The following CNTNAP3 variants were observed in gnomAD, a reference collection of about 807,000 sequenced individuals.
CNTNAP3 encodes the protein contactin-associated protein-like 3.
CNTNAP3 carries 36 observed loss-of-function variants against 92.1 expected under a neutral mutation model. The ratio of observed to expected loss-of-function variants is 0.39; its 90% CI spans 0.30 to 0.52. The LOEUF is 0.52. Ranked by LOEUF, CNTNAP3 falls within the 20% of genes least tolerant of loss-of-function variation. CNTNAP3 has a pLI of 0.76. For synonymous variants in CNTNAP3, 232 were observed against 422.3 expected (o/e 0.55, Z 5.53); for missense variants, 534 against 1,069.6 (o/e 0.50, Z 6.98).
intron 15 of CNTNAP3, among the ~76,000 whole-genome samples, chr9:39,106,084 A>C (rs1826598211): frequency 6.6e-6 from 1 of 152,126 alleles, no homozygotes. Context: ...CCAGTGTGGA[A>C]CCAAGCTTCT....
intron 11 of CNTNAP3, among the ~76,000 whole-genome samples, chr9:39,143,067 T>G (rs1414056625): frequency 6.6e-6 from 1 of 150,496 alleles, no homozygotes; most frequent in Non-Finnish European, 1.5e-5. Flanking sequence ...GAAAGAAAAC[T>G]TTAAAAGTTA....
chr9:39,102,423 C>T, intron 17 of CNTNAP3, 74 bp downstream of exon 17: 1 of 1,559,232 alleles, frequency 6.4e-7, no homozygotes, highest in Non-Finnish European at 8.7e-7. Context: ...GCTCTCAGTA[C>T]ATCACAGTTC....
intron 23 of CNTNAP3, among the ~76,000 whole-genome samples, chr9:39,074,934 A>G (rs549698107): frequency 1.3e-5 from 2 of 152,174 alleles, no homozygotes; most frequent in Non-Finnish European, 2.9e-5. Context: ...GCGCCCGGCT[A>G]ACTTTTTGCA....
At chr9:39,126,543 T>TA (rs1478055496) in intron 13 of CNTNAP3, among the ~76,000 whole-genome samples, 2 of 152,142 alleles carry the variant, frequency 1.3e-5, no homozygotes, top group African/African-American at 4.8e-5. Context: ...AAGCAATCCT[T>TA]AAAAAATATT....
chr9:39,137,715 C>T (rs180984809), intron 12 of CNTNAP3, among the ~76,000 whole-genome samples: 1 of 151,870 alleles, frequency 6.6e-6, no homozygotes, highest in Admixed American at 6.6e-5. Flanking sequence ...AGGGTTTCAC[C>T]GTGTTAGCCA....
chr9:39,099,196 C>T (rs547956650), intron 18 of CNTNAP3, among the ~76,000 whole-genome samples: 3 of 152,058 alleles, frequency 2.0e-5, no homozygotes, highest in South Asian at 2.1e-4. Flanking sequence ...CCTCGTGATC[C>T]GCCTGCCTTG....
intron 12 of CNTNAP3, among the ~76,000 whole-genome samples, chr9:39,135,135 A>G (rs1454134981): frequency 3.3e-5 from 5 of 152,204 alleles, no homozygotes; most frequent in Admixed American, 6.5e-5. Flanking sequence ...TCTCCTTATA[A>G]TATCAGTAGT....
chr9:39,113,592 C>T (rs533874166), intron 14 of CNTNAP3, among the ~76,000 whole-genome samples: 1 of 152,030 alleles, frequency 6.6e-6, no homozygotes, highest in East Asian at 1.9e-4. Flanking sequence ...CTTTTCCAAA[C>T]TTTTTATCAC....
chr9:39,111,394 C>G (rs1449111992), intron 14 of CNTNAP3, among the ~76,000 whole-genome samples: 1 of 151,944 alleles, frequency 6.6e-6, no homozygotes, highest in Non-Finnish European at 1.5e-5. Context: ...AAGATTATTC[C>G]CTGAAAAAAT....
intron 12 of CNTNAP3, among the ~76,000 whole-genome samples, chr9:39,134,008 C>T (rs550305449): frequency 2.0e-5 from 3 of 152,204 alleles, no homozygotes; most frequent in East Asian, 1.9e-4. Context: ...TTAAGAACTA[C>T]GAAACAAAAC....
intron 20 of CNTNAP3, 117 bp downstream of exon 20, chr9:39,086,599 G>A: frequency 7.7e-7 from 1 of 1,295,246 alleles, no homozygotes; most frequent in East Asian, 2.7e-5. Flanking sequence ...CTTGACTTAT[G>A]GAAGAGCAGC....
chr9:39,122,621 CTAGA>C (rs1299932710), intron 13 of CNTNAP3, among the ~76,000 whole-genome samples: 1 of 152,190 alleles, frequency 6.6e-6, no homozygotes, highest in African/African-American at 2.4e-5. Context: ...TAACTACTAA[CTAGA>C]TAAACATAAA....
intron 15 of CNTNAP3, chr9:39,106,750 AC>A (rs1249256113): frequency 1.3e-5 from 2 of 152,146 alleles, no homozygotes; most frequent in African/African-American, 4.8e-5. Context: ...AGTACAGAGT[AC>A]CTAGAAACCA....
At chr9:39,152,818 G>A (rs1821871192) in intron 9 of CNTNAP3, among the ~76,000 whole-genome samples, 1 of 111,628 alleles carries the variant, frequency 9.0e-6, no homozygotes, top group Admixed American at 8.1e-5. Flanking sequence ...ACCACACCCT[G>A]CTAATTTTTT....
At chr9:39,082,470 A>AAC (rs1554713704) in intron 21 of CNTNAP3, among the ~76,000 whole-genome samples, 4,579 of 150,220 alleles carry the variant, frequency 0.03, 109 homozygotes, top group Non-Finnish European at 0.048. Flanking sequence ...GGAAAAAAAA[A>AAC]CCCACAAAAT....
chr9:39,080,960 C>T (rs1207500611), intron 21 of CNTNAP3, among the ~76,000 whole-genome samples: 11 of 140,592 alleles, frequency 7.8e-5, no homozygotes, highest in East Asian at 2.3e-4. Context: ...CCACTGCGCC[C>T]GGCCAGACTT....
intron 15 of CNTNAP3, among the ~76,000 whole-genome samples, chr9:39,105,145 C>T (rs145193505): frequency 1.3e-4 from 20 of 152,226 alleles, no homozygotes; most frequent in African/African-American, 2.2e-4. Flanking sequence ...TAGCTTTTCT[C>T]GGCTAGGTGC....
rs1454774564 is a variant in CNTNAP3 at position 39,072,573 on chromosome 9, AT to A, written c.*1316del. On this transcript the variant is annotated 3_prime_UTR_variant, in exon 24 of 24. Transcript: ENST00000297668. ...AACTGCACATATTCAATTTTGGGTAATCTATGGGAATTTGGCCCCATGGTCA... is the reference window on the plus strand; with the variant it reads ...AACTGCACATATTCAATTTTGGGTAACTATGGGAATTTGGCCCCATGGTCA... 6.6e-6 allele frequency among the ~76,000 whole-genome samples: 1 copy of A among 152,048 alleles called. No homozygotes were observed. The highest frequency in any genetic ancestry group is 1.5e-5 in the Non-Finnish European group (1 of 68,020).
intron 19 of CNTNAP3, 152 bp from the exon 20 acceptor site, chr9:39,087,001 G>C: frequency 8.6e-6 from 9 of 1,042,860 alleles, no homozygotes; most frequent in Non-Finnish European, 1.2e-5. Context: ...ATCTTTCCCG[G>C]AACAGTGATT....
Sources: gnomAD v4.1 joint callset for allele counts (sites outside exome capture counted in the v4.1 genomes callset) on GRCh38, gnomAD v4.1.1 for gene constraint, MANE v1.5 for transcripts, NCBI Gene and HGNC (gene_info 2026-07-23, HGNC 2026-07-21) for gene names.